Variants in PROS1 observed in about 807,000 individuals in gnomAD.
PROS1 encodes protein S.
Under a neutral mutation model 75.9 loss-of-function variants are expected in PROS1, and 29 were observed. The observed-to-expected ratio is 0.38, with a 90% CI of 0.28 to 0.52. The LOEUF is 0.52. PROS1 is among the 20% of genes least tolerant of loss of function. The probability of loss-of-function intolerance (pLI) is 0.83; values close to 1 mark genes in which losing one functional copy is unlikely to be tolerated. For synonymous variants in PROS1, 245 were observed against 280.6 expected (o/e 0.87, Z 1.27); for missense variants, 680 against 810.3 (o/e 0.84, Z 1.95).
At chr3:93,927,794 GT>G (rs1462608434) in intron 1 of PROS1, among the ~76,000 whole-genome samples, 7 of 148,324 alleles carry the variant, frequency 4.7e-5, no homozygotes, top group Non-Finnish European at 8.9e-5. Context: ...CTGAACCCAG[GT>G]GGTTCAAACC....
intron 6 of PROS1, among the ~76,000 whole-genome samples, chr3:93,904,283 C>T (rs1708642022): frequency 6.6e-6 from 1 of 152,070 alleles, no homozygotes; most frequent in African/African-American, 2.4e-5. Flanking sequence ...CATACGTGTG[C>T]ATGTGTCTTT....
chr3:93,916,380 G>A (rs1708849220), intron 3 of PROS1, among the ~76,000 whole-genome samples: 1 of 152,256 alleles, frequency 6.6e-6, no homozygotes, highest in African/African-American at 2.4e-5. Flanking sequence ...GGAGACCCAA[G>A]TGAAATGTTT....
chr3:93,879,238 C>T lies in PROS1; in HGVS notation c.1569G>A (p.Met523Ile), dbSNP rs1708239828. The T allele has an allele frequency of 1.2e-6, 2 of 1,613,996 alleles. No homozygotes were observed. Among genetic ancestry groups the T allele is most frequent in the African/African-American group, 2.7e-5 (2 of 74,914 alleles). The part of the protein sequence containing the change: ...NIRPSTGTGV[M>I]LALVSGNNTV... The stretch of plus-strand genomic sequence containing the variant: ...TGTTGTTACCAGAAACCAAGGCAAG[C>T]ATAACACCAGTGCCCGTGGATGGAC... Residue 523 changes from methionine (M) to isoleucine (I), a missense_variant, in exon 13 of 15, where the codon ATG becomes ATA. By Grantham distance (10) the Met-to-Ile change is conservative. Transcript: ENST00000394236.
At chr3:93,953,122 G>A (rs879177147) in intron 1 of PROS1, among the ~76,000 whole-genome samples, 11 of 152,154 alleles carry the variant, frequency 7.2e-5, no homozygotes, top group Admixed American at 6.5e-5. Flanking sequence ...AGAACCAGAC[G>A]GATTCACAGC....
intron 2 of PROS1, among the ~76,000 whole-genome samples, 175 bp downstream of exon 2, chr3:93,927,075 C>G (rs919678130): frequency 1.3e-4 from 20 of 152,080 alleles, no homozygotes; most frequent in African/African-American, 3.9e-4. Flanking sequence ...GTCTGCCTAA[C>G]AAGCCCACTT....
chr3:93,909,726 G>T (rs572804719), intron 4 of PROS1, among the ~76,000 whole-genome samples: 6 of 151,932 alleles, frequency 3.9e-5, no homozygotes, highest in Non-Finnish European at 8.8e-5. Context: ...GTTAGCCAAA[G>T]AAAATTTTTG....
intron 4 of PROS1, among the ~76,000 whole-genome samples, chr3:93,906,446 A>C (rs1708676854): frequency 6.6e-6 from 1 of 152,132 alleles, no homozygotes; most frequent in South Asian, 2.1e-4. Flanking sequence ...TAGGAGCCCC[A>C]CACTCCCCGG....
intron 1 of PROS1, among the ~76,000 whole-genome samples, chr3:93,955,536 T>G (rs1226332590): frequency 6.7e-6 from 1 of 150,342 alleles, no homozygotes. Context: ...TGAGAACAGT[T>G]GGACACGGGA....
rs781259302 is a variant in PROS1, at chr3:93,973,716, G to C, written c.34C>G (p.Leu12Val). The change falls in exon 1 of 15, where the codon CTG becomes GTG. Residue 12 changes from leucine to valine, a missense_variant. Physicochemically the swap from Leu to Val is conservative, Grantham distance 32. Coordinates refer to ENST00000394236, the MANE Select transcript of PROS1 (RefSeq NM_000313.4). Reference protein sequence around the residue: ...RVLGGRCGALLACLLLVLPVS... With the variant: ...RVLGGRCGALVACLLLVLPVS... The stretch of plus-strand genomic sequence containing the variant: ...GGAAGCACTAGGAGGAGACACGCCA[G>C]CAGCGCCCCGCAGCGCCCACCCAGG... 1 of 1,613,814 alleles carries C rather than the reference G, an allele frequency of 6.2e-7. No homozygotes were observed. Among genetic ancestry groups the C allele is most frequent in the Non-Finnish European group, 8.5e-7 (1 of 1,179,880 alleles).
intron 3 of PROS1, among the ~76,000 whole-genome samples, chr3:93,916,338 G>A (rs1475903648): frequency 6.6e-6 from 1 of 152,186 alleles, no homozygotes; most frequent in Non-Finnish European, 1.5e-5. Flanking sequence ...ATTTTACAGT[G>A]AATACAGCCA....
chr3:93,902,200 T>C (rs890098473), intron 6 of PROS1, among the ~76,000 whole-genome samples: 3 of 152,020 alleles, frequency 2.0e-5, no homozygotes, highest in African/African-American at 7.2e-5. Flanking sequence ...CTAAGGAGGA[T>C]AAGGCAAGAG....
At chr3:93,946,734 C>G (rs1709407483) in intron 1 of PROS1, among the ~76,000 whole-genome samples, 1 of 151,620 alleles carries the variant, frequency 6.6e-6, no homozygotes, top group Non-Finnish European at 1.5e-5. Flanking sequence ...ACCATTCAGG[C>G]CACAGGCATG....
chr3:93,906,029 C>T lies in PROS1; in HGVS notation c.461G>A (p.Cys154Tyr). The T allele has an allele frequency of 6.2e-7, 1 of 1,614,110 alleles. No individual in the cohort carries two copies. Among genetic ancestry groups the T allele is most frequent in the African/African-American group, 1.3e-5 (1 of 75,030 alleles). The change falls in exon 5 of 15, where the codon TGT (cysteine) becomes TAT (tyrosine). Residue 154 changes from cysteine to tyrosine, a missense_variant. Physicochemically the swap from Cys to Tyr is radical, Grantham distance 194 (BLOSUM62 -2). Coordinates refer to ENST00000394236, the MANE Select transcript of PROS1 (RefSeq NM_000313.4). ...GGGGTTATTATACGTACCAAATTCA[C>T]ACTTTTCTCCTTGCCAACCTGGTTT... Reference protein sequence around the residue: ...TCKPGWQGEKCEFDINECKDP... With the variant: ...TCKPGWQGEKYEFDINECKDP...
At chr3:93,913,892 G>A (rs573979699) in intron 3 of PROS1, among the ~76,000 whole-genome samples, 5 of 152,298 alleles carry the variant, frequency 3.3e-5, no homozygotes, top group South Asian at 2.1e-4. Flanking sequence ...CATGATAGAC[G>A]TTTCCATTAC....
At chr3:93,904,140 T>G (rs1185748870) in intron 6 of PROS1, among the ~76,000 whole-genome samples, 3 of 152,106 alleles carry the variant, frequency 2.0e-5, no homozygotes, top group Non-Finnish European at 4.4e-5. Context: ...ACAAAGGACA[T>G]GAACTCATCA....
chr3:93,959,003 GT>G (rs1332011110), intron 1 of PROS1, among the ~76,000 whole-genome samples: 1 of 152,154 alleles, frequency 6.6e-6, no homozygotes, highest in African/African-American at 2.4e-5. Context: ...GGGTTCAGTT[GT>G]TTATATTTAA....
At chr3:93,949,111 T>C (rs1480571978) in intron 1 of PROS1, among the ~76,000 whole-genome samples, 1 of 152,174 alleles carries the variant, frequency 6.6e-6, no homozygotes, top group South Asian at 2.1e-4. Flanking sequence ...AGCAGGAGAT[T>C]CCTAGAATAC....
intron 1 of PROS1, among the ~76,000 whole-genome samples, chr3:93,936,425 T>TATAA (rs1168447335): frequency 2.6e-5 from 4 of 152,050 alleles, no homozygotes; most frequent in Admixed American, 6.6e-5. Flanking sequence ...GTTGAAATTA[T>TATAA]ATAAATAAAT....
intron 1 of PROS1, among the ~76,000 whole-genome samples, chr3:93,945,350 CA>C (rs1362910178): frequency 6.6e-6 from 1 of 151,826 alleles, no homozygotes; most frequent in Non-Finnish European, 1.5e-5. Context: ...AGAGACACAA[CA>C]ACAAAAAAAA....
Sources: gnomAD v4.1 joint callset for allele counts (sites outside exome capture counted in the v4.1 genomes callset) on GRCh38, gnomAD v4.1.1 for gene constraint, MANE v1.5 for transcripts, NCBI Gene and HGNC (gene_info 2026-07-23, HGNC 2026-07-21) for gene names.